CEP63: variants seen among roughly 807,000 people sequenced by gnomAD.
CEP63 encodes the protein centrosomal protein of 63 kDa.
In CEP63, 84 loss-of-function variants were observed where a neutral mutation model predicts 89.1. The observed-to-expected ratio is 0.94, with a 90% CI of 0.79 to 1.13. The LOEUF (loss-of-function observed/expected upper bound fraction) is 1.13, where lower values mean the gene tolerates loss of function less well. Among genes scored for constraint, CEP63 ranks in the 50% most tolerant of loss-of-function variants. The probability of loss-of-function intolerance (pLI) is 0.00; values close to 1 mark genes in which losing one functional copy is unlikely to be tolerated. For missense variants in CEP63, 838 were observed against 813.3 expected, an observed-to-expected ratio of 1.03 and a Z score of -0.37; for synonymous variants, 267 against 272.5, an observed-to-expected ratio of 0.98 and a Z score of 0.20.
At chr3:134,568,261 T>C (rs1032296197), downstream of CEP63, among the ~76,000 whole-genome samples, 2 of 152,158 alleles carry the variant, frequency 1.3e-5, no homozygotes, top group African/African-American at 2.4e-5. Context: ...CATTGATGTA[T>C]AGCATAAACC....
intron 14 of CEP63, among the ~76,000 whole-genome samples, chr3:134,560,098 A>G (rs181165955): frequency 7.9e-5 from 12 of 152,352 alleles, no homozygotes; most frequent in Admixed American, 6.5e-4. Context: ...ATTTTTCAAA[A>G]TAAGTCCTCA....
chr3:134,580,464 T>G (rs1234645700), intron 10 of CEP63, among the ~76,000 whole-genome samples: 1 of 138,610 alleles, frequency 7.2e-6, no homozygotes, highest in Non-Finnish European at 1.6e-5. Flanking sequence ...ATAAAGCTGT[T>G]TAAAAACAAA....
chr3:134,571,979 G>A (rs1251009150), intron 11 of CEP63, among the ~76,000 whole-genome samples: 1 of 152,154 alleles, frequency 6.6e-6, no homozygotes, highest in Non-Finnish European at 1.5e-5. Flanking sequence ...TAGCACTGTG[G>A]CCTATACTCA....
chr3:134,584,572 G>A (rs953093618), intron 10 of CEP63, among the ~76,000 whole-genome samples: 3 of 152,172 alleles, frequency 2.0e-5, no homozygotes, highest in South Asian at 4.1e-4. Context: ...TGCTAGATTC[G>A]GTTTGCCAGT....
chr3:134,755,246 TGAGCC>T, the CEP63 span, among the ~76,000 whole-genome samples: 1 of 151,850 alleles, frequency 6.6e-6, no homozygotes, highest in African/African-American at 2.4e-5. Context: ...CCCTGAGCCC[TGAGCC>T]CTGAGCCCTG....
At chr3:134,726,861 C>T in the CEP63 span, among the ~76,000 whole-genome samples, 1 of 152,208 alleles carries the variant, frequency 6.6e-6, no homozygotes, top group Admixed American at 6.5e-5. Flanking sequence ...GAACTGCCGG[C>T]CGGAGCACGG....
downstream of CEP63, among the ~76,000 whole-genome samples, chr3:134,578,698 G>A (rs559495350): frequency 3.2e-4 from 48 of 152,162 alleles, 1 homozygote; most frequent in Middle Eastern, 6.8e-3. Flanking sequence ...TTTGCTGGCT[G>A]CATAAATGTC....
At chr3:134,780,158 A>T in the CEP63 span, among the ~76,000 whole-genome samples, 2 of 152,208 alleles carry the variant, frequency 1.3e-5, no homozygotes, top group African/African-American at 2.4e-5. Flanking sequence ...TTATCAAATG[A>T]GGTTGTACAT....
rs377547385 is a variant in CEP63 at position 134,508,985 on chromosome 3, A to G, written c.222+1699A>G. On this transcript the variant is annotated intron_variant, in intron 3 of 14. Coordinates refer to ENST00000675561, the MANE Select transcript of CEP63 (RefSeq NM_001353108.3). ...CTTCTTTCTTGCTTTTTTTTTTTTT[A>G]AGGAACAAATGTGTTTATTATTGTG... Among the ~76,000 whole-genome samples the G allele has an allele frequency of 4.1e-5, 5 of 122,380 alleles. No homozygotes were observed. In the South Asian group the frequency reaches 1.0e-3, roughly 25 times the overall value. 80.3% of individuals were successfully genotyped at this position (122,380 alleles called of 152,430 possible). A position where few individuals can be genotyped will look rare whatever the true frequency, so the allele number is the denominator to read the frequency against.
upstream of CEP63, chr3:134,485,991 G>GCGCCCC: frequency 3.2e-6 from 3 of 938,166 alleles, no homozygotes; most frequent in African/African-American, 1.9e-5. Context: ...CTCCTGCCAC[G>GCGCCCC]CCCCCCCCCC....
chr3:134,725,987 T>C, the CEP63 span, among the ~76,000 whole-genome samples: 1 of 152,130 alleles, frequency 6.6e-6, no homozygotes, highest in South Asian at 2.1e-4. Context: ...CAAGAGTTAA[T>C]GTGATAATGT....
the CEP63 span, chr3:134,620,992 C>T: frequency 1.6e-6 from 1 of 636,592 alleles, no homozygotes; most frequent in Non-Finnish European, 2.8e-6. Flanking sequence ...GGGGCAAAGG[C>T]TGGCTGAGGA....
intron 1 of CEP63, among the ~76,000 whole-genome samples, chr3:134,491,495 A>G (rs1367613638): frequency 6.6e-6 from 1 of 152,204 alleles, no homozygotes; most frequent in Non-Finnish European, 1.5e-5. Context: ...GTCATTTGTC[A>G]GTTAACTTTG....
intron 3 of CEP63, among the ~76,000 whole-genome samples, chr3:134,516,372 G>C (rs976645461): frequency 2.0e-5 from 3 of 152,140 alleles, no homozygotes; most frequent in Non-Finnish European, 4.4e-5. Context: ...GTTTTATACC[G>C]AGACATTCCA....
downstream of CEP63, chr3:134,565,084 A>T (rs1957693403): frequency 1.3e-5 from 6 of 458,418 alleles, no homozygotes; most frequent in Non-Finnish European, 1.7e-5. Flanking sequence ...TGATCAGGGT[A>T]CCCAAATGAG....
chr3:134,600,344 C>T, the CEP63 span, among the ~76,000 whole-genome samples: 1 of 152,228 alleles, frequency 6.6e-6, no homozygotes, highest in Non-Finnish European at 1.5e-5. Flanking sequence ...GGCAACTTGT[C>T]CCTCCTGCTT....
rs543146534 is a variant in CEP63, at chr3:134,549,871, T to A, written c.1183-192T>A. On this transcript the variant is annotated intron_variant, in intron 10 of 14. Coordinates refer to ENST00000675561, the MANE Select transcript of CEP63 (RefSeq NM_001353108.3). ...CCTGTTTTGAGGTATAATAAATGATTGTAGGTATAACCACCTGACCTTCAG... is the reference window on the plus strand; with the variant it reads ...CCTGTTTTGAGGTATAATAAATGATAGTAGGTATAACCACCTGACCTTCAG... Among the ~76,000 whole-genome samples, 6 of 152,332 alleles carry A rather than the reference T, an allele frequency of 3.9e-5. No individual in the cohort carries two copies. The South Asian group carries it at 6.2e-4, about 16-fold the overall frequency.
chr3:134,554,023 C>T (rs570908349), intron 12 of CEP63, among the ~76,000 whole-genome samples: 2 of 152,266 alleles, frequency 1.3e-5, no homozygotes, highest in African/African-American at 4.8e-5. Flanking sequence ...TTGCTCTATC[C>T]TCAAATCCCT....
intron 3 of CEP63, chr3:134,510,649 C>T (rs1053219326): frequency 1.5e-6 from 1 of 650,412 alleles, no homozygotes. Flanking sequence ...TGCACTCACT[C>T]TCCCTTCTTG....
Sources: allele counts gnomAD v4.1 joint callset (sites outside exome capture counted in the v4.1 genomes callset), GRCh38; gene constraint gnomAD v4.1.1; transcripts MANE v1.5; gene names NCBI Gene and HGNC (gene_info 2026-07-23, HGNC 2026-07-21).